GIMAP5: variants seen among roughly 807,000 people sequenced by gnomAD.
GIMAP5 encodes GTPase IMAP family member 5.
In GIMAP5, 8 loss-of-function variants were observed where a neutral mutation model predicts 9.9. That is an observed-to-expected ratio of 0.81 (90% CI 0.47 to 1.45). GIMAP5 has a LOEUF of 1.45. Among genes scored for constraint, GIMAP5 ranks in the 40% most tolerant of loss-of-function variants. The pLI is 0.00. For synonymous variants in GIMAP5, 174 were observed against 151.4 expected (o/e 1.15, Z -1.09); for missense variants, 353 against 367.4 (o/e 0.96, Z 0.32).
intron 1 of GIMAP5, chr7:150,738,498 G>A (rs779984725): frequency 2.6e-5 from 4 of 152,220 alleles, no homozygotes; most frequent in Non-Finnish European, 5.9e-5. Context: ...CTGCTTTCTT[G>A]TAATTTGCTA....
In GIMAP5 at chr7:150,742,319, G is replaced by C. The variant is rs753586959; in HGVS notation, c.180G>C (p.Gln60His). The change falls in exon 3 of 3, where the codon CAG becomes CAC. Residue 60 changes from glutamine (Q) to histidine (H), a missense_variant. Coordinates refer to ENST00000358647, the MANE Select transcript of GIMAP5 (RefSeq NM_018384.5). ...QPVFESKLRA[Q>H]SVTRTCQVKT... Reference sequence around the variant, plus strand: ...TGTTTGAGTCCAAGCTGAGGGCCCAGTCAGTGACCAGGACGTGCCAGGTGA... The same window carrying C: ...TGTTTGAGTCCAAGCTGAGGGCCCACTCAGTGACCAGGACGTGCCAGGTGA... 6.2e-7 allele frequency: 1 copy of C among 1,614,214 alleles called. No individual in the cohort carries two copies. Among genetic ancestry groups the C allele is most frequent in the Non-Finnish European group, 8.5e-7 (1 of 1,180,040 alleles).
intron 2 of GIMAP5, 74 bp downstream of exon 2, chr7:150,741,001 T>C (rs4725936): frequency 0.45 from 676,254 of 1,519,160 alleles, 156,318 homozygotes; most frequent in African/African-American, 0.79. Context: ...TCTACCCCCA[T>C]CTAAAACACA....
At chr7:150,742,091 C>T (rs1161078035) in intron 2 of GIMAP5, 92 bp from the exon 3 acceptor site, 10 of 1,415,134 alleles carry the variant, frequency 7.1e-6, no homozygotes, top group South Asian at 5.5e-5. Context: ...CTGGGGAGGA[C>T]GTTCATAGCT....
chr7:150,737,628 CT>C lies in GIMAP5; in HGVS notation c.-85del. The C allele has an allele frequency of 6.5e-7, 1 of 1,535,748 alleles. No homozygotes were observed. Among genetic ancestry groups the C allele is most frequent in the Non-Finnish European group, 8.7e-7 (1 of 1,146,910 alleles). ...CAGAGCAGGACTCTCTCTGCTGCCACTTCACCTTCCTGAGAGAGGACCAGCG... is the reference window on the plus strand; with the variant it reads ...CAGAGCAGGACTCTCTCTGCTGCCACTCACCTTCCTGAGAGAGGACCAGCG... On this transcript the variant is annotated 5_prime_UTR_variant, in exon 1 of 3. Transcript: ENST00000358647.
At chr7:150,737,914 G>A in intron 1 of GIMAP5, 1 of 593,934 alleles carries the variant, frequency 1.7e-6, no homozygotes, top group Non-Finnish European at 3.0e-6. Flanking sequence ...ATCTGTGCCT[G>A]CACTCACAGC....
chr7:150,743,046 A>G lies in GIMAP5; in HGVS notation c.907A>G (p.Ile303Val), dbSNP rs1232607521. ...SILFFIIFLF[I>V]FHYI ...ACTTTTTTTCATTATTTTTCTGTTC[A>G]TCTTTCATTACATTTAAATCTCTGG... Residue 303 changes from isoleucine (I) to valine (V), a missense_variant, in exon 3 of 3, where the codon ATC (isoleucine) becomes GTC (valine). Ile to Val is a conservative substitution (Grantham distance 29, BLOSUM62 3). Coordinates refer to ENST00000358647, the MANE Select transcript of GIMAP5 (RefSeq NM_018384.5). 6.2e-7 allele frequency: 1 copy of G among 1,609,454 alleles called. No homozygotes were observed. The highest frequency in any genetic ancestry group is 2.2e-5 in the East Asian group (1 of 44,778).
intron 2 of GIMAP5, 65 bp from the exon 3 acceptor site, chr7:150,742,118 G>T: frequency 6.5e-7 from 1 of 1,543,188 alleles, no homozygotes; most frequent in South Asian, 1.3e-5. Context: ...AGATAACCAT[G>T]AACAATGACC....
chr7:150,741,650 G>A (rs981137225), intron 2 of GIMAP5, among the ~76,000 whole-genome samples: 2 of 152,118 alleles, frequency 1.3e-5, no homozygotes, highest in Non-Finnish European at 2.9e-5. Flanking sequence ...CTATCCAGAG[G>A]GCACAGACCC....
At chr7:150,738,524 A>G (rs1376993240) in intron 1 of GIMAP5, 4 of 152,200 alleles carry the variant, frequency 2.6e-5, no homozygotes, top group African/African-American at 4.8e-5. Flanking sequence ...AGCTCTTCTC[A>G]TGGTAAAATC....
Position 150,742,674 on chromosome 7 carries a change from G to A in GIMAP5, c.535G>A (p.Glu179Lys). The change falls in exon 3 of 3, where the codon GAG becomes AAG. Residue 179 changes from glutamate to lysine, a missense_variant. Glu to Lys is a moderately conservative substitution (Grantham distance 56). Coordinates refer to ENST00000358647, the MANE Select transcript of GIMAP5 (RefSeq NM_018384.5). ...CTGCAGCCTGAAAGACCTGGTGCGG[G>A]AGTGTGAGAGAAGGTACTGTGCCTT... ...DNCSLKDLVR[E>K]CERRYCAFNN... 1 of 1,614,240 alleles carries A rather than the reference G, an allele frequency of 6.2e-7. No homozygotes were observed. Among genetic ancestry groups the A allele is most frequent in the Non-Finnish European group, 8.5e-7 (1 of 1,180,038 alleles).
Position 150,743,146 on chromosome 7 carries a change from G to T in GIMAP5, c.*83G>T, listed in dbSNP as rs1393916980. On this transcript the variant is annotated 3_prime_UTR_variant, in exon 3 of 3. Coordinates refer to ENST00000358647, the MANE Select transcript of GIMAP5 (RefSeq NM_018384.5). ...ATCACCAATTCAGACTCAGATCCTC[G>T]TGGTCTATGGAGCATGCTGCTTGCT... 3.3e-6 allele frequency: 5 copies of T among 1,497,460 alleles called. No individual in the cohort carries two copies. In the Admixed American group the frequency reaches 6.0e-5, roughly 18 times the overall value. 92.8% of individuals were successfully genotyped at this position (1,497,460 alleles called of 1,614,324 possible).
chr7:150,741,753 G>A (rs1165850375), intron 2 of GIMAP5, among the ~76,000 whole-genome samples: 2 of 152,226 alleles, frequency 1.3e-5, no homozygotes, highest in African/African-American at 2.4e-5. Context: ...TGTGTGGAGT[G>A]TGTCTATACA....
rs776560370 is a variant in GIMAP5, at chr7:150,742,387, C to T, written c.248C>T (p.Thr83Met). The change falls in exon 3 of 3, where the codon ACG (threonine) becomes ATG (methionine). Residue 83 changes from threonine to methionine, a missense_variant. Physicochemically the swap from Thr to Met is moderately conservative, Grantham distance 81 (BLOSUM62 -1). Transcript: ENST00000358647. ...WNGRKVLVVD[T>M]PSIFESQADT... ...GGGAGGAAAGTCCTGGTGGTTGACA[C>T]GCCCTCCATCTTTGAGTCACAGGCC... 15 of 1,613,954 alleles carry T rather than the reference C, an allele frequency of 9.3e-6. No individual in the cohort carries two copies. Among genetic ancestry groups the T allele is most frequent in the South Asian group, 1.1e-5 (1 of 91,078 alleles).
chr7:150,743,022 CT>C lies in GIMAP5; in HGVS notation c.890del (p.Phe297SerfsTer30), dbSNP rs774162620. 9 of 1,611,520 alleles carry C rather than the reference CT, an allele frequency of 5.6e-6. No individual in the cohort carries two copies. Among genetic ancestry groups the C allele is most frequent in the Admixed American group, 1.7e-5 (1 of 59,794 alleles). Reference protein sequence around the residue: ...IFVFLLLCSILFFIIFLFIFH... With the variant: ...IFVFLLLCSIXFFIIFLFIFH... Reference sequence around the variant, plus strand: ...TGTTTTTCTATTGTTGTGCAGCATACTTTTTTTCATTATTTTTCTGTTCATC... The same window carrying C: ...TGTTTTTCTATTGTTGTGCAGCATACTTTTTTCATTATTTTTCTGTTCATC... On this transcript the variant is annotated frameshift_variant, in exon 3 of 3. Coordinates refer to ENST00000358647, the MANE Select transcript of GIMAP5 (RefSeq NM_018384.5). LOFTEE classifies it low-confidence loss of function (END_TRUNC).
At chr7:150,740,952 G>C (rs1797585548) in intron 2 of GIMAP5, 25 bp downstream of exon 2, 1 of 1,613,644 alleles carries the variant, frequency 6.2e-7, no homozygotes, top group Non-Finnish European at 8.5e-7. Context: ...AAGTTCTCAA[G>C]AGCCCCAGAC....
rs1388717905 is a variant in GIMAP5 at position 150,742,271 on chromosome 7, G to A, written c.132G>A (p.Gly44=). 1 of 1,614,212 alleles carries A rather than the reference G, an allele frequency of 6.2e-7. No individual in the cohort carries two copies. Among genetic ancestry groups the A allele is most frequent in the Non-Finnish European group, 8.5e-7 (1 of 1,180,030 alleles). ...GKTGCGKSAT[G]NSILGQPVFE... ...CAGGCTGCGGGAAAAGTGCCACAGG[G>A]AACAGCATCCTTGGCCAGCCCGTGT... The change falls in exon 3 of 3, where the codon GGG becomes GGA. Residue 44 remains glycine (G), a synonymous_variant. Coordinates refer to ENST00000358647, the MANE Select transcript of GIMAP5 (RefSeq NM_018384.5).
At chr7:150,737,934 G>C in intron 1 of GIMAP5, 1 of 579,148 alleles carries the variant, frequency 1.7e-6, no homozygotes, top group South Asian at 2.0e-5. Context: ...CCCAGTCCCA[G>C]GACAGCGGGC....
In GIMAP5 at chr7:150,743,118, A is replaced by T; in HGVS notation, c.*55A>T. On this transcript the variant is annotated 3_prime_UTR_variant, in exon 3 of 3. Transcript: ENST00000358647. ...ATCACCCCATGGAGTCATTGTTCTA[A>T]TAATCACCAATTCAGACTCAGATCC... The T allele has an allele frequency of 1.3e-6, 2 of 1,540,602 alleles. No homozygotes were observed. Among genetic ancestry groups the T allele is most frequent in the South Asian group, 1.3e-5 (1 of 78,742 alleles).
Position 150,742,894 on chromosome 7 carries a change from A to T in GIMAP5, c.755A>T (p.Gln252Leu), listed in dbSNP as rs1484581998. 2 of 1,614,106 alleles carry T rather than the reference A, an allele frequency of 1.2e-6. No homozygotes were observed. Among genetic ancestry groups the T allele is most frequent in the Admixed American group, 3.3e-5 (2 of 60,010 alleles). The part of the protein sequence containing the change: ...YRQYQAKVEW[Q>L]VEKHKQELRE... Reference sequence around the variant, plus strand: ...CAGTACCAGGCCAAAGTGGAATGGCAGGTGGAGAAGCACAAGCAAGAGCTG... The same window carrying T: ...CAGTACCAGGCCAAAGTGGAATGGCTGGTGGAGAAGCACAAGCAAGAGCTG... The change falls in exon 3 of 3, where the codon CAG (glutamine) becomes CTG (leucine). Residue 252 changes from glutamine (Q) to leucine (L), a missense_variant. Coordinates refer to ENST00000358647, the MANE Select transcript of GIMAP5 (RefSeq NM_018384.5).
Sources: allele counts gnomAD v4.1 joint callset (sites outside exome capture counted in the v4.1 genomes callset), GRCh38; gene constraint gnomAD v4.1.1; transcripts MANE v1.5; gene names NCBI Gene and HGNC (gene_info 2026-07-23, HGNC 2026-07-21).